Variants in GALNT13 observed in about 807,000 individuals in gnomAD.
GALNT13 encodes UDP-GalNAc:polypeptide N-acetylgalactosaminyltransferase 13.
In GALNT13, 28 loss-of-function variants were observed where a neutral mutation model predicts 64.2. The ratio of observed to expected loss-of-function variants is 0.44; its 90% confidence interval spans 0.32 to 0.60. The LOEUF is 0.60. Ranked by LOEUF, GALNT13 falls within the 20% of genes least tolerant of loss-of-function variation. GALNT13 has a pLI of 0.05. For synonymous variants in GALNT13, 214 were observed against 224.6 expected, an observed-to-expected ratio of 0.95 and a Z score of 0.42; for missense variants, 577 against 669.8, an observed-to-expected ratio of 0.86 and a Z score of 1.53.
At chr2:153,408,818 G>T in the GALNT13 span, among the ~76,000 whole-genome samples, 2 of 152,110 alleles carry the variant, frequency 1.3e-5, no homozygotes, top group African/African-American at 4.8e-5. Flanking sequence ...CTGTTCCTGG[G>T]TGTGTCTGTG....
In GALNT13 at chr2:154,451,131, A is replaced by G. The variant is rs1188060696; in HGVS notation, c.*580A>G. ...GAGCCTTTACAGAAGCATCACATTT[A>G]AACCAATGTGAATTCAAAAAAGAGA... On this transcript the variant is annotated 3_prime_UTR_variant, in exon 13 of 13. Transcript: ENST00000392825. 6.6e-6 allele frequency: 1 copy of G among 152,168 alleles called. No homozygotes were observed. Among genetic ancestry groups the G allele is most frequent in the Non-Finnish European group, 1.5e-5 (1 of 68,050 alleles). 9.4% of individuals were successfully genotyped at this position (152,168 alleles called of 1,614,324 possible).
the GALNT13 span, among the ~76,000 whole-genome samples, chr2:153,316,598 G>A: frequency 7.5e-6 from 1 of 132,666 alleles, no homozygotes; most frequent in Non-Finnish European, 1.5e-5. Flanking sequence ...CCGAGATTGC[G>A]CCACTGCACT....
At chr2:153,116,473 G>A in the GALNT13 span, among the ~76,000 whole-genome samples, 1 of 151,972 alleles carries the variant, frequency 6.6e-6, no homozygotes, top group Non-Finnish European at 1.5e-5. Flanking sequence ...TTTTCATATA[G>A]AAATAGGAAA....
chr2:153,399,720 C>G, the GALNT13 span, among the ~76,000 whole-genome samples: 1 of 151,402 alleles, frequency 6.6e-6, no homozygotes, highest in Non-Finnish European at 1.5e-5. Context: ...ATTTGGCTCT[C>G]TGTTTGTCTG....
chr2:153,702,615 A>G, the GALNT13 span, among the ~76,000 whole-genome samples: 3 of 152,078 alleles, frequency 2.0e-5, no homozygotes, highest in African/African-American at 2.4e-5. Context: ...TATATGGGAG[A>G]AAAAAATAAA....
the GALNT13 span, among the ~76,000 whole-genome samples, chr2:153,619,594 C>A: frequency 7.2e-5 from 11 of 152,104 alleles, no homozygotes; most frequent in East Asian, 1.9e-3. Context: ...TCTTATAGGA[C>A]GGGCCTTGTA....
chr2:153,412,926 C>T, the GALNT13 span, among the ~76,000 whole-genome samples: 2 of 151,848 alleles, frequency 1.3e-5, no homozygotes, highest in Non-Finnish European at 2.9e-5. Flanking sequence ...ATCACATGGC[C>T]CACACAAATT....
the GALNT13 span, among the ~76,000 whole-genome samples, chr2:153,764,583 C>T: frequency 6.6e-6 from 1 of 152,102 alleles, no homozygotes; most frequent in African/African-American, 2.4e-5. Flanking sequence ...AAATTTGCAG[C>T]CTGATGATGT....
At chr2:154,234,629 A>C (rs1432839137) in intron 4 of GALNT13, among the ~76,000 whole-genome samples, 1 of 152,182 alleles carries the variant, frequency 6.6e-6, no homozygotes, top group African/African-American at 2.4e-5. Flanking sequence ...TTATAGAAAA[A>C]ATCAATTGAA....
chr2:153,366,259 A>G, the GALNT13 span, among the ~76,000 whole-genome samples: 1 of 152,040 alleles, frequency 6.6e-6, no homozygotes, highest in Non-Finnish European at 1.5e-5. Context: ...GGGTGAGGGG[A>G]AGGAGAGCAT....
chr2:153,692,991 T>TA, the GALNT13 span, among the ~76,000 whole-genome samples: 1 of 152,066 alleles, frequency 6.6e-6, no homozygotes, highest in African/African-American at 2.4e-5. Context: ...CTCCCAACAT[T>TA]AAAAAAAGGC....
intron 8 of GALNT13, among the ~76,000 whole-genome samples, chr2:154,265,644 A>G (rs1690954608): frequency 6.6e-6 from 1 of 152,174 alleles, no homozygotes; most frequent in South Asian, 2.1e-4. Context: ...GGTTGCAGTG[A>G]GCCAAGACTG....
upstream of GALNT13, among the ~76,000 whole-genome samples, chr2:153,870,097 A>G (rs917273507): frequency 5.9e-5 from 9 of 151,952 alleles, no homozygotes; most frequent in African/African-American, 2.2e-4. Flanking sequence ...TGAGCTAGCC[A>G]GGGCAGAAAC....
At chr2:154,189,472 CAAAAAAAAA>C (rs35557058) in intron 4 of GALNT13, among the ~76,000 whole-genome samples, 1 of 81,412 alleles carries the variant, frequency 1.2e-5, no homozygotes, top group Non-Finnish European at 2.4e-5. Context: ...ACGTGCACAC[CAAAAAAAAA>C]AAAAAAAAAA....
intron 9 of GALNT13, among the ~76,000 whole-genome samples, chr2:154,307,690 G>A (rs912602104): frequency 3.9e-5 from 6 of 151,920 alleles, no homozygotes; most frequent in East Asian, 1.9e-4. Context: ...AAATACTATA[G>A]CATCATTGAT....
intron 3 of GALNT13, among the ~76,000 whole-genome samples, chr2:153,984,029 CTCTT>C (rs1694636065): frequency 6.6e-6 from 1 of 151,468 alleles, no homozygotes; most frequent in African/African-American, 2.4e-5. Context: ...ATTTTAAAGT[CTCTT>C]TCTATAATAA....
the GALNT13 span, among the ~76,000 whole-genome samples, chr2:153,692,207 C>T: frequency 6.6e-6 from 1 of 151,908 alleles, no homozygotes; most frequent in Non-Finnish European, 1.5e-5. Context: ...TAGGGTTCAC[C>T]CTTGGGGTTG....
intron 9 of GALNT13, among the ~76,000 whole-genome samples, chr2:154,332,246 T>C (rs75651220): frequency 0.15 from 23,037 of 151,990 alleles, 2,189 homozygotes; most frequent in Non-Finnish European, 0.19. Context: ...GACAGAGAGA[T>C]TGTGTTTTCT....
the GALNT13 span, among the ~76,000 whole-genome samples, chr2:153,639,950 C>T: frequency 5.3e-5 from 8 of 151,966 alleles, no homozygotes; most frequent in African/African-American, 9.7e-5. Context: ...GTGATATGTC[C>T]AGGGATCAAG....
Sources: gnomAD v4.1 joint callset for allele counts (sites outside exome capture counted in the v4.1 genomes callset) on GRCh38, gnomAD v4.1.1 for gene constraint, MANE v1.5 for transcripts, NCBI Gene and HGNC (gene_info 2026-07-23, HGNC 2026-07-21) for gene names.